MAP3K19: variants seen among roughly 807,000 people sequenced by gnomAD.
MAP3K19 encodes mitogen-activated protein kinase kinase kinase 19, also known as SPS1/STE20-related protein kinase YSK4.
Under a neutral mutation model 114.4 loss-of-function variants are expected in MAP3K19, and 91 were observed. The observed-to-expected ratio is 0.80, with a 90% CI of 0.67 to 0.95. The LOEUF is 0.95. MAP3K19 is among the 40% of genes least tolerant of loss of function. The pLI is 0.00. For missense variants in MAP3K19, 1,471 were observed against 1,573.2 expected (o/e 0.94, Z 1.10); for synonymous variants, 518 against 530.5 (o/e 0.98, Z 0.32).
chr2:134,979,303 A>G (rs542803237), intron 12 of MAP3K19, among the ~76,000 whole-genome samples: 146 of 152,308 alleles, frequency 9.6e-4, no homozygotes, highest in African/African-American at 3.2e-3. Flanking sequence ...AGCAATTTAC[A>G]TGCACCATTT....
intron 1 of MAP3K19, among the ~76,000 whole-genome samples, chr2:135,041,188 C>G (rs62168941): frequency 9.2e-5 from 14 of 151,880 alleles, no homozygotes; most frequent in African/African-American, 3.4e-4. Flanking sequence ...GATTCTAGCA[C>G]AGTGGGAATC....
chr2:135,011,263 C>T (rs1244155857), intron 5 of MAP3K19, among the ~76,000 whole-genome samples: 1 of 152,090 alleles, frequency 6.6e-6, no homozygotes, highest in African/African-American at 2.4e-5. Context: ...TTTTGCCAGG[C>T]GCGGTGGCTC....
chr2:134,988,201 A>C lies in MAP3K19; in HGVS notation c.671T>G (p.Ile224Ser), dbSNP rs376730275. 1 of 1,609,728 alleles carries C rather than the reference A, an allele frequency of 6.2e-7. No homozygotes were observed. Among genetic ancestry groups the C allele is most frequent in the Non-Finnish European group, 8.5e-7 (1 of 1,178,396 alleles). Residue 224 changes from isoleucine (I) to serine (S), a missense_variant, in exon 10 of 13, where the codon ATC (isoleucine) becomes AGC (serine). Coordinates refer to ENST00000392915, the MANE Select transcript of MAP3K19 (RefSeq NM_025052.5). Reference protein sequence around the residue: ...LLPTRSGVLTIPQNHKFPKEK... With the variant: ...LLPTRSGVLTSPQNHKFPKEK... ...TTTTGGAAACTTGTGATTTTGGGGG[A>C]TAGTAAGGACACCAGATCGCGTGGG...
chr2:134,990,941 C>A (rs1685523074), intron 9 of MAP3K19, among the ~76,000 whole-genome samples: 1 of 152,084 alleles, frequency 6.6e-6, no homozygotes, highest in Non-Finnish European at 1.5e-5. Flanking sequence ...ACATCTGTAA[C>A]CCTAGCACTT....
intron 3 of MAP3K19, among the ~76,000 whole-genome samples, chr2:135,025,251 T>C (rs1046633919): frequency 6.6e-6 from 1 of 152,036 alleles, no homozygotes; most frequent in Non-Finnish European, 1.5e-5. Context: ...TGATTCAAAA[T>C]GGTGGAATGG....
At position 134,966,005 on chromosome 2, in the gene MAP3K19, TTTTAC is replaced by T. The variant is rs138429932; in HGVS notation, c.3921-1094_3921-1090del. ...TATTTGTCTTGCTGGGCCTGGCTTA[TTTTAC>T]TTAAGATAAAGAACTCCAGATCCAT... On this transcript the variant is annotated intron_variant, in intron 12 of 12. Transcript: ENST00000392915. Among the ~76,000 whole-genome samples, 3,330 of 152,288 alleles carry T rather than the reference TTTTAC, an allele frequency of 0.022. 227 individuals carry two copies. In the East Asian group the frequency reaches 0.28, roughly 13 times the overall value.
intron 3 of MAP3K19, among the ~76,000 whole-genome samples, chr2:135,027,069 G>A (rs1428733305): frequency 6.6e-6 from 1 of 152,054 alleles, no homozygotes; most frequent in East Asian, 1.9e-4. Context: ...AATATAGTGG[G>A]ACTCCATCTC....
chr2:134,968,964 C>T (rs1197444194), intron 12 of MAP3K19, among the ~76,000 whole-genome samples: 3 of 152,142 alleles, frequency 2.0e-5, no homozygotes, highest in East Asian at 1.9e-4. Flanking sequence ...CGGGCAGAGG[C>T]TGCAATCTGG....
Position 134,998,948 on chromosome 2 carries a change from G to A in MAP3K19, c.364C>T (p.His122Tyr). Residue 122 changes from histidine to tyrosine, a missense_variant, in exon 8 of 13, where the codon CAT becomes TAT. Physicochemically the swap from His to Tyr is moderately conservative, Grantham distance 83. Transcript: ENST00000392915. The part of the protein sequence containing the change: ...QEWAQAHAVS[H>Y]PNEIETVELR... ...TCCACCGTTTCTATTTCATTTGGAT[G>A]AGAAACTGCATGTGCTTGTGCCCAT... The A allele has an allele frequency of 6.2e-7, 1 of 1,614,122 alleles. No individual in the cohort carries two copies. Among genetic ancestry groups the A allele is most frequent in the Non-Finnish European group, 8.5e-7 (1 of 1,180,004 alleles).
At chr2:135,028,623 G>A (rs1039099909) in intron 3 of MAP3K19, among the ~76,000 whole-genome samples, 6 of 152,058 alleles carry the variant, frequency 3.9e-5, no homozygotes, top group Non-Finnish European at 8.8e-5. Flanking sequence ...CAAATGGAGG[G>A]AGGCATATGA....
At chr2:135,021,138 C>T (rs7593284) in intron 5 of MAP3K19, among the ~76,000 whole-genome samples, 33,733 of 151,724 alleles carry the variant, frequency 0.22, 5,330 homozygotes, top group African/African-American at 0.43. Context: ...ATATTTGTGT[C>T]CCACCAAAAT....
chr2:134,983,191 G>GC (rs1275504758), intron 11 of MAP3K19: 4 of 531,356 alleles, frequency 7.5e-6, no homozygotes, highest in Non-Finnish European at 1.5e-5. Flanking sequence ...TCTCTTCATC[G>GC]CCCACCCCCC....
intron 6 of MAP3K19, among the ~76,000 whole-genome samples, chr2:135,001,401 G>A (rs1686434934): frequency 6.6e-6 from 1 of 152,178 alleles, no homozygotes; most frequent in Non-Finnish European, 1.5e-5. Context: ...ACCAGACTAT[G>A]TAGCAAAAAA....
chr2:134,998,713 C>T (rs937663100), intron 8 of MAP3K19, 25 bp downstream of exon 8: 16 of 1,580,556 alleles, frequency 1.0e-5, no homozygotes, highest in Admixed American at 1.8e-5. Context: ...AAAGGACTCA[C>T]TGTGGAATTC....
At chr2:134,967,134 C>A (rs1559130470) in intron 12 of MAP3K19, among the ~76,000 whole-genome samples, 1 of 152,154 alleles carries the variant, frequency 6.6e-6, no homozygotes, top group Non-Finnish European at 1.5e-5. Context: ...ATGCGCCTTG[C>A]TAACAAGATG....
At position 135,024,734 on chromosome 2, in the gene MAP3K19, T is replaced by G; in HGVS notation, c.-87A>C. ...GATTTTCCACTAAAATCACAAAGTT[T>G]AGGATCTCTAGGAAGAACAGAATCA... On this transcript the variant is annotated 5_prime_UTR_variant, in exon 4 of 13. The change abolishes the stop of an existing upstream ORF in the 5' untranslated region. Transcript: ENST00000392915. The G allele has an allele frequency of 9.0e-7, 1 of 1,115,876 alleles. No homozygotes were observed. The highest frequency in any genetic ancestry group is 1.3e-6 in the Non-Finnish European group (1 of 741,360). The allele number at this position is 1,115,876 out of a possible 1,614,324, so 69.1% of individuals were successfully genotyped here.
At chr2:135,035,895 C>T (rs1422771529) in intron 2 of MAP3K19, among the ~76,000 whole-genome samples, 2 of 152,240 alleles carry the variant, frequency 1.3e-5, no homozygotes, top group African/African-American at 4.8e-5. Context: ...AGTGCAATGG[C>T]ACGATCTCGG....
chr2:134,967,091 A>C (rs926947316), intron 12 of MAP3K19, among the ~76,000 whole-genome samples: 1 of 152,184 alleles, frequency 6.6e-6, no homozygotes, highest in African/African-American at 2.4e-5. Context: ...TGTTGTATGA[A>C]ATCAAGGTTT....
intron 5 of MAP3K19, among the ~76,000 whole-genome samples, chr2:135,010,392 T>A (rs1428275255): frequency 7.2e-5 from 11 of 152,202 alleles, no homozygotes; most frequent in Admixed American, 6.5e-4. Flanking sequence ...CTTTAAGATG[T>A]GCTTGGGTGC....
Sources: gnomAD v4.1 joint callset for allele counts (sites outside exome capture counted in the v4.1 genomes callset) on GRCh38, gnomAD v4.1.1 for gene constraint, MANE v1.5 for transcripts, NCBI Gene and HGNC (gene_info 2026-07-23, HGNC 2026-07-21) for gene names.